SANBR: variants seen among roughly 807,000 people sequenced by gnomAD.
SANBR encodes the protein SANT and BTB domain regulator of class switch recombination.
A neutral mutation model predicts 101.8 loss-of-function variants in SANBR; 77 were observed. That is an observed-to-expected ratio of 0.76 (90% CI 0.63 to 0.91). SANBR has a LOEUF of 0.91. Among genes scored for constraint, SANBR ranks in the 40% least tolerant of loss-of-function variants. The pLI is 0.00. For missense variants in SANBR, 875 were observed against 853.0 expected (o/e 1.03, Z -0.32); for synonymous variants, 279 against 274.7 (o/e 1.02, Z -0.15).
intron 1 of SANBR, chr2:61,066,512 TC>T (rs1260354293): frequency 6.6e-6 from 1 of 152,488 alleles, no homozygotes; most frequent in Non-Finnish European, 1.5e-5. Context: ...TACTTTCTCC[TC>T]CAGCTGACTC....
At chr2:61,073,623 T>G in intron 5 of SANBR, 72 bp downstream of exon 5, 44 of 828,010 alleles carry the variant, frequency 5.3e-5, no homozygotes, top group Non-Finnish European at 7.5e-5. Flanking sequence ...GATTGGTGGT[T>G]ACCATAAGGT....
intron 16 of SANBR, among the ~76,000 whole-genome samples, chr2:61,115,531 C>G (rs1193178102): frequency 6.6e-6 from 1 of 151,832 alleles, no homozygotes; most frequent in East Asian, 1.9e-4. Flanking sequence ...TGTAAATGTG[C>G]CTAATTATAA....
At chr2:61,076,502 C>T (rs1413277946) in intron 5 of SANBR, among the ~76,000 whole-genome samples, 6 of 149,228 alleles carry the variant, frequency 4.0e-5, no homozygotes, top group African/African-American at 1.5e-4. Flanking sequence ...ATGGTGGGCG[C>T]CTGTAGTCCC....
chr2:61,089,955 C>CT (rs1682654731), intron 10 of SANBR, among the ~76,000 whole-genome samples: 2 of 151,916 alleles, frequency 1.3e-5, no homozygotes, highest in African/African-American at 4.8e-5. Flanking sequence ...TTACTTGAGA[C>CT]CAGGAGTTTG....
intron 5 of SANBR, 54 bp from the exon 6 acceptor site, chr2:61,076,866 G>T (rs1009931299): frequency 4.7e-6 from 6 of 1,268,556 alleles, no homozygotes; most frequent in African/African-American, 1.5e-5. Context: ...CAGTATTCTT[G>T]ACTCCTTTTC....
At chr2:61,109,163 TATTAC>T (rs1251958116) in intron 15 of SANBR, 29 bp from the exon 16 acceptor site, 1 of 1,056,688 alleles carries the variant, frequency 9.5e-7, no homozygotes. Flanking sequence ...AAAATCATAA[TATTAC>T]ATTTATAATA....
At chr2:61,115,348 T>TA (rs1553436764) in intron 16 of SANBR, among the ~76,000 whole-genome samples, 33 of 131,304 alleles carry the variant, frequency 2.5e-4, no homozygotes, top group African/African-American at 1.1e-3. Flanking sequence ...ATATATATAT[T>TA]TTTTTTTTGA....
chr2:61,116,766 C>T (rs996932590), intron 17 of SANBR, among the ~76,000 whole-genome samples: 1 of 151,978 alleles, frequency 6.6e-6, no homozygotes, highest in Non-Finnish European at 1.5e-5. Context: ...AAAATTGTAT[C>T]AGCTGGCTGG....
chr2:61,078,305 G>T (rs750870762), intron 6 of SANBR, among the ~76,000 whole-genome samples: 33 of 152,140 alleles, frequency 2.2e-4, no homozygotes, highest in Admixed American at 3.3e-4. Flanking sequence ...ACTACCATTT[G>T]TCAAGTTTGG....
At chr2:61,100,151 C>T (rs1016293951) in intron 12 of SANBR, among the ~76,000 whole-genome samples, 1 of 152,194 alleles carries the variant, frequency 6.6e-6, no homozygotes, top group African/African-American at 2.4e-5. Context: ...GTTGCCCCGG[C>T]TGGAATGCAA....
intron 10 of SANBR, chr2:61,088,886 A>T: frequency 3.2e-6 from 3 of 925,950 alleles, no homozygotes; most frequent in Non-Finnish European, 3.9e-6. Context: ...AAGGAATGGG[A>T]TAACATCTTT....
chr2:61,092,834 C>G (rs1682837234), intron 11 of SANBR, among the ~76,000 whole-genome samples: 1 of 151,944 alleles, frequency 6.6e-6, no homozygotes, highest in African/African-American at 2.4e-5. Context: ...GACTCCATCT[C>G]TTAAAAAAAT....
intron 16 of SANBR, chr2:61,115,738 C>T (rs1684046404): frequency 6.7e-6 from 2 of 297,784 alleles, no homozygotes; most frequent in Non-Finnish European, 1.3e-5. Context: ...GGTGACAGAA[C>T]AAGACTCTGT....
intron 8 of SANBR, among the ~76,000 whole-genome samples, 158 bp downstream of exon 8, chr2:61,083,472 C>T (rs952819119): frequency 6.6e-6 from 1 of 151,322 alleles, no homozygotes; most frequent in African/African-American, 2.4e-5. Context: ...TCTTGGCTCA[C>T]TGCAGCCTCA....
At position 61,122,272 on chromosome 2, in the gene SANBR, A is replaced by T. The variant is rs544769594; in HGVS notation, c.*110A>T. 14 of 1,373,714 alleles carry T rather than the reference A, an allele frequency of 1.0e-5. No homozygotes were observed. Among genetic ancestry groups the T allele is most frequent in the Non-Finnish European group, 1.2e-5 (13 of 1,042,986 alleles). 85.1% of individuals were successfully genotyped at this position (1,373,714 alleles called of 1,614,324 possible). ...TGACTTCCAACTGTTTTATGTTATT[A>T]TTATTTTAATCCACATAAATCATAA... On this transcript the variant is annotated 3_prime_UTR_variant, in exon 22 of 22. Transcript: ENST00000402291.
chr2:61,123,586 G>GT lies in SANBR; in HGVS notation c.*1432dup, dbSNP rs537190135. The GT allele has an allele frequency of 8.2e-4, 804 of 976,860 alleles. 20 individuals are homozygous for GT. The South Asian group carries it at 0.03, about 37-fold the overall frequency. 60.5% of individuals were successfully genotyped at this position (976,860 alleles called of 1,614,324 possible). The stretch of plus-strand genomic sequence containing the variant: ...TGTAAGTACTCTGTTAAATACCAGA[G>GT]TTTTTTTTGTAGTTTACTGTGTTTT... On this transcript the variant is annotated 3_prime_UTR_variant, in exon 22 of 22. Transcript: ENST00000402291.
downstream of SANBR, among the ~76,000 whole-genome samples, chr2:61,127,614 T>C (rs964725393): frequency 1.3e-5 from 2 of 152,212 alleles, no homozygotes; most frequent in African/African-American, 4.8e-5. Flanking sequence ...AGTGATTAGG[T>C]AACTGTTTTC....
chr2:61,106,890 C>G (rs1000951574), intron 14 of SANBR, among the ~76,000 whole-genome samples: 1 of 152,032 alleles, frequency 6.6e-6, no homozygotes, highest in African/African-American at 2.4e-5. Context: ...TGGGGCCAGC[C>G]ACGGTGACTC....
At chr2:61,118,722 C>T (rs1055875749) in intron 20 of SANBR, among the ~76,000 whole-genome samples, 7 of 151,686 alleles carry the variant, frequency 4.6e-5, no homozygotes, top group Non-Finnish European at 7.4e-5. Context: ...CCACCATGCC[C>T]GGCTAATTTT....
Sources: allele counts gnomAD v4.1 joint callset (sites outside exome capture counted in the v4.1 genomes callset), GRCh38; gene constraint gnomAD v4.1.1; transcripts MANE v1.5; gene names NCBI Gene and HGNC (gene_info 2026-07-23, HGNC 2026-07-21).